Variants in DLGAP2 observed in about 807,000 individuals in gnomAD.
The protein encoded by DLGAP2 is DLG associated protein 2.
In DLGAP2, 26 loss-of-function variants were observed where a neutral mutation model predicts 100.3. The observed-to-expected ratio is 0.26, with a 90% CI of 0.19 to 0.36. The LOEUF (loss-of-function observed/expected upper bound fraction) is 0.36, where lower values mean the gene tolerates loss of function less well. Among genes scored for constraint, DLGAP2 ranks in the 10% least tolerant of loss-of-function variants. DLGAP2 has a pLI of 1.00. For missense variants in DLGAP2, 1,858 were observed against 1,453.2 expected (o/e 1.28, Z -4.53); for synonymous variants, 886 against 630.1 (o/e 1.41, Z -6.08).
intron 8 of DLGAP2, among the ~76,000 whole-genome samples, chr8:1,658,040 A>AG (rs1334825780): frequency 2.0e-5 from 3 of 152,154 alleles, no homozygotes; most frequent in Non-Finnish European, 2.9e-5. Context: ...CAGAGGCTTG[A>AG]GGAGGTGGTG....
intron 2 of DLGAP2, among the ~76,000 whole-genome samples, chr8:1,185,707 ACTCACACACACACACACACTCACACT>A (rs1481723270): frequency 8.2e-4 from 105 of 127,486 alleles, no homozygotes; most frequent in African/African-American, 2.6e-3. Flanking sequence ...ACACACTCAC[ACTCACACACACACACACACTCACACT>A]CACACACACA....
At chr8:1,582,550 A>G (rs984855390) in intron 6 of DLGAP2, among the ~76,000 whole-genome samples, 4 of 150,692 alleles carry the variant, frequency 2.7e-5, no homozygotes, top group African/African-American at 9.7e-5. Flanking sequence ...ATTCATTGCT[A>G]GCAGACCAGT....
intron 2 of DLGAP2, among the ~76,000 whole-genome samples, chr8:1,135,268 A>T (rs1031335724): frequency 2.6e-5 from 4 of 152,190 alleles, no homozygotes; most frequent in African/African-American, 9.7e-5. Context: ...AAGCTGCCTA[A>T]GGAAAACCTT....
chr8:769,055 G>C (rs1286232174), intron 1 of DLGAP2, among the ~76,000 whole-genome samples: 3 of 152,144 alleles, frequency 2.0e-5, no homozygotes, highest in Non-Finnish European at 4.4e-5. Flanking sequence ...GAGACAGTGC[G>C]TGCATGGTCA....
rs888468759 is a variant in DLGAP2, at chr8:996,193, C to G, written c.73+88227C>G. On this transcript the variant is annotated intron_variant, in intron 2 of 14. Coordinates refer to ENST00000637795, the MANE Select transcript of DLGAP2 (RefSeq NM_001346810.2). ...AGGACTCACAGAAGGCAGGAACTCT[C>G]TGGCTAGACCAAAGCCTTCTTTACT... Among the ~76,000 whole-genome samples, 3 of 152,212 alleles carry G rather than the reference C, an allele frequency of 2.0e-5. No individual in the cohort carries two copies. The South Asian group carries it at 6.2e-4, about 32-fold the overall frequency.
At chr8:1,082,949 G>A (rs1803859844) in intron 2 of DLGAP2, among the ~76,000 whole-genome samples, 1 of 152,186 alleles carries the variant, frequency 6.6e-6, no homozygotes, top group Non-Finnish European at 1.5e-5. Flanking sequence ...GATCTGTTAT[G>A]AAATTATAGT....
At chr8:1,326,310 G>C (rs1342153840) in intron 3 of DLGAP2, among the ~76,000 whole-genome samples, 1 of 152,178 alleles carries the variant, frequency 6.6e-6, no homozygotes, top group Non-Finnish European at 1.5e-5. Context: ...CATATATTTT[G>C]TTCTTCCTGG....
In DLGAP2 at chr8:794,202, G is replaced by A. The variant is rs115526439; in HGVS notation, c.18+56377G>A. Among the ~76,000 whole-genome samples, 1,463 of 151,936 alleles carry A rather than the reference G, an allele frequency of 9.6e-3. 14 individuals are homozygous for A. The highest frequency in any genetic ancestry group is 0.033 in the African/African-American group (1,378 of 41,416). On this transcript the variant is annotated intron_variant, in intron 1 of 14. Coordinates refer to ENST00000637795, the MANE Select transcript of DLGAP2 (RefSeq NM_001346810.2). ...CTGTTTGCTGGCCTGTGGGTGGGGCGTGTTTCTAGCTGCAGAATGGGGTCC... is the reference window on the plus strand; with the variant it reads ...CTGTTTGCTGGCCTGTGGGTGGGGCATGTTTCTAGCTGCAGAATGGGGTCC...
intron 2 of DLGAP2, among the ~76,000 whole-genome samples, chr8:1,024,140 C>T (rs945347957): frequency 6.7e-6 from 1 of 150,032 alleles, no homozygotes; most frequent in African/African-American, 2.4e-5. Context: ...CAGTCCCATG[C>T]CAAGGTAGAT....
At chr8:1,585,266 C>A (rs528807366) in intron 6 of DLGAP2, among the ~76,000 whole-genome samples, 1 of 152,032 alleles carries the variant, frequency 6.6e-6, no homozygotes, top group Non-Finnish European at 1.5e-5. Context: ...AGTTTGAGAC[C>A]AGCCTGGCCA....
intron 2 of DLGAP2, among the ~76,000 whole-genome samples, chr8:911,023 C>G (rs963371192): frequency 2.6e-5 from 4 of 152,198 alleles, no homozygotes; most frequent in African/African-American, 9.6e-5. Flanking sequence ...CTGCTTGGAG[C>G]TGGAATCCTC....
At chr8:827,863 C>T (rs1796710805) in intron 1 of DLGAP2, among the ~76,000 whole-genome samples, 2 of 152,088 alleles carry the variant, frequency 1.3e-5, no homozygotes, top group African/African-American at 2.4e-5. Flanking sequence ...TTTTCCTAAG[C>T]GTCGGCTGGC....
At chr8:1,670,746 C>T (rs909544529) in intron 10 of DLGAP2, among the ~76,000 whole-genome samples, 1 of 152,122 alleles carries the variant, frequency 6.6e-6, no homozygotes, top group African/African-American at 2.4e-5. Context: ...CTGGCGGTCT[C>T]ACAATTATCC....
intron 2 of DLGAP2, among the ~76,000 whole-genome samples, chr8:1,050,453 G>A (rs2123059): frequency 0.063 from 9,599 of 152,222 alleles, 478 homozygotes; most frequent in East Asian, 0.15. Context: ...GCACATTCAC[G>A]CTGGGCAAAG....
chr8:1,046,089 A>G (rs562474772), intron 2 of DLGAP2, among the ~76,000 whole-genome samples: 11 of 152,354 alleles, frequency 7.2e-5, no homozygotes, highest in African/African-American at 2.2e-4. Flanking sequence ...GCCCAGCAAT[A>G]TAAAAGCTGC....
At chr8:895,577 C>T (rs77101943) in intron 1 of DLGAP2, among the ~76,000 whole-genome samples, 1 of 152,194 alleles carries the variant, frequency 6.6e-6, no homozygotes, top group African/African-American at 2.4e-5. Flanking sequence ...ATGGGGCCTT[C>T]AGGCCCTTTA....
chr8:1,478,723 G>C (rs1056349546), intron 3 of DLGAP2, among the ~76,000 whole-genome samples: 1 of 152,198 alleles, frequency 6.6e-6, no homozygotes, highest in Non-Finnish European at 1.5e-5. Flanking sequence ...ATGGCATTTG[G>C]ATGGCAGCCA....
At chr8:1,489,847 T>C (rs886837852) in intron 3 of DLGAP2, among the ~76,000 whole-genome samples, 1 of 152,182 alleles carries the variant, frequency 6.6e-6, no homozygotes. Context: ...TGCACCATAA[T>C]TTACTTAAGC....
chr8:1,141,306 T>C (rs1235217718), intron 2 of DLGAP2, among the ~76,000 whole-genome samples: 1 of 152,260 alleles, frequency 6.6e-6, no homozygotes, highest in Non-Finnish European at 1.5e-5. Context: ...TTTTAAATTC[T>C]GTAACTGGAT....
Sources: allele counts gnomAD v4.1 joint callset (sites outside exome capture counted in the v4.1 genomes callset), GRCh38; gene constraint gnomAD v4.1.1; transcripts MANE v1.5; gene names NCBI Gene and HGNC (gene_info 2026-07-23, HGNC 2026-07-21).